Variants in DNAI7 observed in about 807,000 individuals in gnomAD.
DNAI7 encodes cancer susceptibility 1.
Under a neutral mutation model 86.6 loss-of-function variants are expected in DNAI7, and 78 were observed. The ratio of observed to expected loss-of-function variants is 0.90; its 90% confidence interval spans 0.75 to 1.09. DNAI7 has a LOEUF of 1.09. Ranked by LOEUF, DNAI7 falls within the 50% of genes least tolerant of loss-of-function variation. The pLI, the probability that DNAI7 is intolerant of heterozygous loss-of-function variation, is 0.00. For missense variants in DNAI7, 753 were observed against 810.2 expected, an observed-to-expected ratio of 0.93 and a Z score of 0.86; for synonymous variants, 274 against 273.0, an observed-to-expected ratio of 1.00 and a Z score of -0.04.
At chr12:25,127,773 G>T (rs1019249469) in intron 9 of DNAI7, among the ~76,000 whole-genome samples, 18 of 152,062 alleles carry the variant, frequency 1.2e-4, no homozygotes, top group African/African-American at 4.3e-4. Context: ...ATTTGAATTT[G>T]ATATAAAAAC....
At chr12:25,185,295 T>C (rs3924650) in intron 2 of DNAI7, among the ~76,000 whole-genome samples, 27,587 of 152,220 alleles carry the variant, frequency 0.18, 2,631 homozygotes, top group Middle Eastern at 0.24. Flanking sequence ...TCTGTATACA[T>C]TGTAGTGAGC....
chr12:25,166,996 A>G (rs1003939496), intron 2 of DNAI7, among the ~76,000 whole-genome samples: 6 of 152,022 alleles, frequency 3.9e-5, no homozygotes, highest in African/African-American at 1.4e-4. Flanking sequence ...ACTTCAATCC[A>G]GCCTCCCACA....
At chr12:25,190,909 A>T (rs1347325565) in intron 1 of DNAI7, among the ~76,000 whole-genome samples, 1 of 152,198 alleles carries the variant, frequency 6.6e-6, no homozygotes, top group Non-Finnish European at 1.5e-5. Context: ...GTTTCTTAGG[A>T]CAATCAATGA....
intron 2 of DNAI7, among the ~76,000 whole-genome samples, chr12:25,166,128 T>G (rs1592568106): frequency 1.3e-5 from 2 of 152,146 alleles, no homozygotes; most frequent in East Asian, 3.8e-4. Context: ...CCCCGCTCAA[T>G]GCCAATATCC....
intron 2 of DNAI7, among the ~76,000 whole-genome samples, chr12:25,161,605 G>T (rs903932437): frequency 6.6e-6 from 1 of 152,206 alleles, no homozygotes; most frequent in Non-Finnish European, 1.5e-5. Context: ...GGTATACAGA[G>T]AGTTATTTTG....
At chr12:25,171,279 T>C (rs925901012) in intron 2 of DNAI7, among the ~76,000 whole-genome samples, 2 of 151,798 alleles carry the variant, frequency 1.3e-5, no homozygotes, top group Non-Finnish European at 2.9e-5. Context: ...CACTAAGAAA[T>C]GAAATGGGAG....
rs1949501051 is a variant in DNAI7, at chr12:25,108,841, T to TAAAAAAAAAAAAAAAAAAAAAAAAAAA, written c.1894-19_1894-18insTTTTTTTTTTTTTTTTTTTTTTTTTTT. ...TCCCTCACCTAAAAAAAAAAAAAAT[T>TAAAAAAAAAAAAAAAAAAAAAAAAAAA]CAAGCAAGTTGTTAATAATTCCTCT... is the stretch of plus-strand genomic sequence containing the variant. On this transcript the variant is annotated intron_variant, in intron 15 of 15. Transcript: ENST00000395987. The TAAAAAAAAAAAAAAAAAAAAAAAAAAA allele has an allele frequency of 3.2e-6, 1 of 310,450 alleles. No individual in the cohort carries two copies. The highest frequency in any genetic ancestry group is 4.3e-6 in the Non-Finnish European group (1 of 233,674). The allele number at this position is 310,450 out of a possible 1,614,324, so 19.2% of individuals were successfully genotyped here. A position where few individuals can be genotyped will look rare whatever the true frequency, so the allele number is the denominator to read the frequency against.
intron 7 of DNAI7, 42 bp downstream of exon 7, chr12:25,149,586 G>A (rs1356842110): frequency 7.4e-7 from 1 of 1,345,198 alleles, no homozygotes; most frequent in Non-Finnish European, 1.0e-6. Flanking sequence ...TAAAATGTTA[G>A]CTCTTATAAA....
At chr12:25,183,571 C>T (rs11047877) in intron 2 of DNAI7, among the ~76,000 whole-genome samples, 15,218 of 151,412 alleles carry the variant, frequency 0.1, 1,112 homozygotes, top group Non-Finnish European at 0.14. Context: ...TCCATCATTT[C>T]ACTTCCAACT....
chr12:25,132,592 T>G lies in DNAI7; in HGVS notation c.1003-9306A>C, dbSNP rs556735461. Among the ~76,000 whole-genome samples the G allele has an allele frequency of 2.8e-5, 4 of 143,484 alleles. 1 individual carries two copies. The highest frequency in any genetic ancestry group is 1.2e-4 in the African/African-American group (4 of 33,616). 94.1% of individuals were successfully genotyped at this position (143,484 alleles called of 152,430 possible). A position where few individuals can be genotyped will look rare whatever the true frequency, so the allele number is the denominator to read the frequency against. On this transcript the variant is annotated intron_variant, in intron 9 of 15. Coordinates refer to ENST00000395987, the MANE Select transcript of DNAI7 (RefSeq NM_018272.5). ...ACAATCATTTTTATTTATTTTGTTC[T>G]ATTATTTTCTAATAATAAATTACTA... is the stretch of plus-strand genomic sequence containing the variant.
In DNAI7 at chr12:25,149,705, GTAT is replaced by G. The variant is rs768832982; in HGVS notation, c.505_507del (p.Ile169del). On this transcript the variant is annotated inframe_deletion, in exon 7 of 16. Coordinates refer to ENST00000395987, the MANE Select transcript of DNAI7 (RefSeq NM_018272.5). ...AGTTGTAGTATTGATTCTTGGTACT[GTAT>G]TATATTTTTATCTTGCAAATCACAT... The G allele has an allele frequency of 1.3e-6, 2 of 1,582,080 alleles. No homozygotes were observed. The highest frequency in any genetic ancestry group is 2.2e-5 in the South Asian group (2 of 89,644).
intron 15 of DNAI7, among the ~76,000 whole-genome samples, chr12:25,109,764 C>G (rs1327485032): frequency 1.3e-5 from 2 of 152,118 alleles, no homozygotes; most frequent in Non-Finnish European, 2.9e-5. Context: ...CCACAACCTC[C>G]ACCTCTCAGG....
intron 6 of DNAI7, among the ~76,000 whole-genome samples, chr12:25,153,729 T>C (rs1945833962): frequency 6.6e-6 from 1 of 152,232 alleles, no homozygotes; most frequent in Admixed American, 6.5e-5. Context: ...TCTTACTTTC[T>C]GGATTGTTTT....
chr12:25,168,574 C>T (rs1947764989), intron 2 of DNAI7, among the ~76,000 whole-genome samples: 1 of 152,148 alleles, frequency 6.6e-6, no homozygotes, highest in African/African-American at 2.4e-5. Context: ...CCTCCAAAAC[C>T]GCCGAGGCCT....
At chr12:25,190,012 C>T (rs1341377868) in intron 2 of DNAI7, among the ~76,000 whole-genome samples, 2 of 142,428 alleles carry the variant, frequency 1.4e-5, no homozygotes. Flanking sequence ...AAAAAAAGCA[C>T]TTCTAAGGTC....
intron 2 of DNAI7, among the ~76,000 whole-genome samples, chr12:25,165,131 C>T (rs1947313038): frequency 6.6e-6 from 1 of 152,108 alleles, no homozygotes; most frequent in East Asian, 1.9e-4. Flanking sequence ...GTCAAAAGGC[C>T]GTCTTACACT....
At chr12:25,135,129 A>T (rs1211793382) in intron 9 of DNAI7, among the ~76,000 whole-genome samples, 1 of 152,208 alleles carries the variant, frequency 6.6e-6, no homozygotes, top group East Asian at 1.9e-4. Flanking sequence ...AAACTCCATG[A>T]GACAGCCAAA....
chr12:25,142,778 C>T (rs1348503325), intron 9 of DNAI7, among the ~76,000 whole-genome samples: 1 of 152,134 alleles, frequency 6.6e-6, no homozygotes, highest in Non-Finnish European at 1.5e-5. Context: ...GTATTTTACT[C>T]CATATTGAAA....
rs189725204 is a variant in DNAI7 at position 25,122,532 on chromosome 12, A to C, written c.1079-619T>G. ...AGGCCTGTTATGAAAAAATATGCTA[A>C]GAAATATATAGAAAATAGATTCCTA... On this transcript the variant is annotated intron_variant, in intron 10 of 15. Coordinates refer to ENST00000395987, the MANE Select transcript of DNAI7 (RefSeq NM_018272.5). Among the ~76,000 whole-genome samples, 17 of 152,240 alleles carry C rather than the reference A, an allele frequency of 1.1e-4. No individual in the cohort carries two copies. The East Asian group carries it at 1.5e-3, about 14-fold the overall frequency.
Sources: allele counts gnomAD v4.1 joint callset (sites outside exome capture counted in the v4.1 genomes callset), GRCh38; gene constraint gnomAD v4.1.1; transcripts MANE v1.5; gene names NCBI Gene and HGNC (gene_info 2026-07-23, HGNC 2026-07-21).